BACE1: variants seen among roughly 807,000 people sequenced by gnomAD.
BACE1 encodes the protein APP beta-secretase.
BACE1 carries 21 observed loss-of-function variants against 54.0 expected under a neutral mutation model. The ratio of observed to expected loss-of-function variants is 0.39; its 90% CI spans 0.28 to 0.56. BACE1 has a LOEUF of 0.56. BACE1 is among the 20% of genes least tolerant of loss of function. BACE1 has a pLI of 0.63. For missense variants in BACE1, 511 were observed against 661.2 expected (o/e 0.77, Z 2.49); for synonymous variants, 232 against 260.9 (o/e 0.89, Z 1.07).
intron 2 of BACE1, chr11:117,295,710 A>C: frequency 6.8e-7 from 1 of 1,474,674 alleles, no homozygotes; most frequent in Non-Finnish European, 9.0e-7. Flanking sequence ...AAGCTCCCCG[A>C]GAAAAGGAAC....
At chr11:117,291,631 G>T in intron 6 of BACE1, 81 bp downstream of exon 6, 1 of 1,017,566 alleles carries the variant, frequency 9.8e-7, no homozygotes. Flanking sequence ...AGACATCTTG[G>T]CTGTTGCTGA....
intron 6 of BACE1, among the ~76,000 whole-genome samples, chr11:117,291,427 G>A (rs531004262): frequency 3.9e-4 from 59 of 152,178 alleles, no homozygotes; most frequent in African/African-American, 8.9e-4. Context: ...ACAGGCGTGC[G>A]CCACCACACC....
intron 3 of BACE1, 61 bp from the exon 4 acceptor site, chr11:117,294,069 C>T: frequency 1.3e-6 from 2 of 1,560,600 alleles, no homozygotes; most frequent in Non-Finnish European, 8.7e-7. Flanking sequence ...AGGCCAGCTT[C>T]CTGTCTAAAC....
At chr11:117,291,993 T>C (rs1237368090) in intron 5 of BACE1, 180 bp from the exon 6 acceptor site, 2 of 469,586 alleles carry the variant, frequency 4.3e-6, no homozygotes, top group African/African-American at 3.9e-5. Flanking sequence ...AAAGTGAGGA[T>C]AAAAATAGCA....
At chr11:117,304,890 A>ATTT (rs373918923) in intron 1 of BACE1, among the ~76,000 whole-genome samples, 1 of 146,096 alleles carries the variant, frequency 6.8e-6, no homozygotes, top group African/African-American at 2.5e-5. Context: ...CTCCGTAATG[A>ATTT]TTTTTTTTTT....
intron 8 of BACE1, 21 bp downstream of exon 8, chr11:117,290,467 C>G (rs1341384896): frequency 6.2e-7 from 1 of 1,611,976 alleles, no homozygotes; most frequent in Non-Finnish European, 8.5e-7. Context: ...GACCCCAAAC[C>G]CTCAGCCCTG....
chr11:117,302,332 C>CA (rs201880792), intron 1 of BACE1, among the ~76,000 whole-genome samples: 1,604 of 152,078 alleles, frequency 0.011, 22 homozygotes, highest in African/African-American at 0.034. Flanking sequence ...GATTCTGTCT[C>CA]AAAAACAAAA....
intron 5 of BACE1, 175 bp from the exon 6 acceptor site, chr11:117,291,988 G>C (rs1179508140): frequency 8.3e-6 from 4 of 479,096 alleles, no homozygotes; most frequent in Non-Finnish European, 1.5e-5. Flanking sequence ...TCTCTAAAGT[G>C]AGGATAAAAA....
intron 2 of BACE1, 88 bp downstream of exon 2, chr11:117,296,785 A>G (rs2034610982): frequency 9.6e-7 from 1 of 1,038,860 alleles, no homozygotes; most frequent in Admixed American, 2.4e-5. Flanking sequence ...CTGAGGATCA[A>G]CTCTTTCTCT....
intron 1 of BACE1, among the ~76,000 whole-genome samples, chr11:117,298,563 G>A (rs771779995): frequency 1.3e-5 from 2 of 152,200 alleles, no homozygotes; most frequent in African/African-American, 2.4e-5. Flanking sequence ...CTGGTCAGGG[G>A]ACCTGTGGGG....
In BACE1 at chr11:117,315,869, G is replaced by A; in HGVS notation, c.-74C>T. 7.3e-7 allele frequency: 1 copy of A among 1,361,530 alleles called. No homozygotes were observed. Among genetic ancestry groups the A allele is most frequent in the African/African-American group, 1.5e-5 (1 of 65,036 alleles). The allele number at this position is 1,361,530 out of a possible 1,614,324, so 84.3% of individuals were successfully genotyped here. A position where few individuals can be genotyped will look rare whatever the true frequency, so the allele number is the denominator to read the frequency against. On this transcript the variant is annotated 5_prime_UTR_variant, in exon 1 of 9. Coordinates refer to ENST00000313005, the MANE Select transcript of BACE1 (RefSeq NM_012104.6). The surrounding 1 kb of genome is among the most constrained non-coding windows in gnomAD (Gnocchi z 5.5). ...GTCCCTGGCGCCTGCCCCCAAGTCT[G>A]GGTGGTGCTGGTGGCTTCTCAGGAG...
Position 117,315,243 on chromosome 11 carries a change from T to G in BACE1, c.261+292A>C, listed in dbSNP as rs545946451. On this transcript the variant is annotated intron_variant, in intron 1 of 8. Coordinates refer to ENST00000313005, the MANE Select transcript of BACE1 (RefSeq NM_012104.6). The surrounding 1 kb of genome is among the most constrained non-coding windows in gnomAD (Gnocchi z 5.5). Reference sequence around the variant, plus strand: ...TAGTGCCCCTGTGGCGGACCCTTCCTCCAGGTCAGGGTCCCCAGCTGATGT... The same window carrying G: ...TAGTGCCCCTGTGGCGGACCCTTCCGCCAGGTCAGGGTCCCCAGCTGATGT... 6.6e-6 allele frequency among the ~76,000 whole-genome samples: 1 copy of G among 152,158 alleles called. No individual in the cohort carries two copies. The highest frequency in any genetic ancestry group is 6.5e-5 in the Admixed American group (1 of 15,286).
intron 1 of BACE1, among the ~76,000 whole-genome samples, chr11:117,302,465 G>T (rs1036619884): frequency 2.0e-5 from 3 of 152,208 alleles, no homozygotes; most frequent in African/African-American, 7.2e-5. Context: ...TGTTGTATCA[G>T]CTTCACTCTG....
chr11:117,311,843 A>C (rs1176353668), intron 1 of BACE1, among the ~76,000 whole-genome samples: 2 of 151,860 alleles, frequency 1.3e-5, no homozygotes, highest in Non-Finnish European at 2.9e-5. Context: ...GTTTCACCAT[A>C]TTGGCCAGGT....
At chr11:117,290,032 G>A (rs1425935430) in intron 8 of BACE1, among the ~76,000 whole-genome samples, 1 of 152,152 alleles carries the variant, frequency 6.6e-6, no homozygotes, top group Non-Finnish European at 1.5e-5. Context: ...CCAGCTGGTA[G>A]GAGTGATAAC....
At chr11:117,300,912 C>T (rs1282680714) in intron 1 of BACE1, among the ~76,000 whole-genome samples, 3 of 152,160 alleles carry the variant, frequency 2.0e-5, no homozygotes, top group Non-Finnish European at 4.4e-5. Flanking sequence ...ACATCCGCCT[C>T]CAGTCCCCTC....
chr11:117,308,569 T>A (rs2034881279), intron 1 of BACE1, among the ~76,000 whole-genome samples: 1 of 152,240 alleles, frequency 6.6e-6, no homozygotes, highest in Non-Finnish European at 1.5e-5. Flanking sequence ...TCTCTGGGTC[T>A]CAGTTTCCTT....
intron 2 of BACE1, 30 bp from the exon 3 acceptor site, chr11:117,295,377 G>T: frequency 6.2e-7 from 1 of 1,602,988 alleles, no homozygotes. Context: ...ATCTGTGGAT[G>T]CATAACCACA....
intron 1 of BACE1, among the ~76,000 whole-genome samples, chr11:117,308,428 T>C (rs2034876928): frequency 6.6e-6 from 1 of 152,152 alleles, no homozygotes; most frequent in African/African-American, 2.4e-5. Flanking sequence ...GGCTGAATAC[T>C]TCCACGAGGA....
Sources: allele counts gnomAD v4.1 joint callset (sites outside exome capture counted in the v4.1 genomes callset), GRCh38; gene constraint gnomAD v4.1.1; non-coding constraint Gnocchi (gnomAD v3.1); transcripts MANE v1.5; gene names NCBI Gene and HGNC (gene_info 2026-07-23, HGNC 2026-07-21).